PCED1B: variants seen among roughly 807,000 people sequenced by gnomAD.
PCED1B encodes PC-esterase domain containing 1B, also known as PC-esterase domain-containing protein 1B.
For synonymous variants in PCED1B, 251 were observed against 246.1 expected, an observed-to-expected ratio of 1.02 and a Z score of -0.19; for missense variants, 573 against 573.9, an observed-to-expected ratio of 1.00 and a Z score of 0.02.
In PCED1B at chr12:47,236,284, C is replaced by T. The variant is rs886325466; in HGVS notation, c.1221C>T (p.Gly407=). The change falls in exon 4 of 4, where the codon GGC becomes GGT. Residue 407 remains glycine (G), a synonymous_variant. Coordinates refer to ENST00000546455, the MANE Select transcript of PCED1B (RefSeq NM_138371.3). ...HRGFGRYRPR[G]PYTPWGQRPR... is the part of the protein sequence containing the mutation. The stretch of plus-strand genomic sequence containing the variant: ...GTTTTGGCAGGTATCGTCCCCGTGG[C>T]CCCTATACGCCCTGGGGACAGCGGC... 3 of 1,614,014 alleles carry T rather than the reference C, an allele frequency of 1.9e-6. No homozygotes were observed. Among genetic ancestry groups the T allele is most frequent in the African/African-American group, 2.7e-5 (2 of 74,912 alleles).
intron 2 of PCED1B, among the ~76,000 whole-genome samples, chr12:47,161,865 T>A (rs141870231): frequency 1.6e-4 from 24 of 152,238 alleles, no homozygotes; most frequent in African/African-American, 5.3e-4. Flanking sequence ...AACCAACCCA[T>A]ATGTCCAACA....
intron 1 of PCED1B, among the ~76,000 whole-genome samples, chr12:47,099,557 A>T (rs982141591): frequency 2.6e-5 from 4 of 152,208 alleles, no homozygotes; most frequent in African/African-American, 9.7e-5. Context: ...CCTCTCTCAG[A>T]ATGAATAGTT....
intron 2 of PCED1B, 33 bp from the exon 3 acceptor site, chr12:47,216,189 C>T (rs1943255850): frequency 6.6e-6 from 1 of 152,246 alleles, no homozygotes; most frequent in Admixed American, 6.5e-5. Context: ...TTTCTTCTCA[C>T]TTCCTCCTTT....
chr12:47,220,915 A>G (rs1189667945), intron 3 of PCED1B, among the ~76,000 whole-genome samples: 2 of 152,234 alleles, frequency 1.3e-5, no homozygotes, highest in Non-Finnish European at 2.9e-5. Context: ...ACATAAAGAC[A>G]TGAGAAAAGG....
intron 2 of PCED1B, among the ~76,000 whole-genome samples, chr12:47,185,845 A>G (rs951085461): frequency 6.6e-6 from 1 of 152,182 alleles, no homozygotes; most frequent in African/African-American, 2.4e-5. Flanking sequence ...TTAACAAGAG[A>G]AAAACAAACA....
chr12:47,088,810 TA>T (rs1272588074), intron 1 of PCED1B, among the ~76,000 whole-genome samples: 1 of 152,196 alleles, frequency 6.6e-6, no homozygotes, highest in African/African-American at 2.4e-5. Context: ...AAAACATGCT[TA>T]ACATGACGAT....
chr12:47,144,394 T>G (rs916052637), intron 2 of PCED1B, among the ~76,000 whole-genome samples: 1 of 152,248 alleles, frequency 6.6e-6, no homozygotes, highest in African/African-American at 2.4e-5. Flanking sequence ...TCCTATTGTC[T>G]TGATGATTCT....
chr12:47,125,814 A>G (rs1581558), intron 2 of PCED1B, among the ~76,000 whole-genome samples: 12,616 of 152,124 alleles, frequency 0.083, 859 homozygotes, highest in African/African-American at 0.19. Flanking sequence ...GTTCACTGCC[A>G]GTGCATAGAA....
intron 2 of PCED1B, among the ~76,000 whole-genome samples, chr12:47,148,976 A>T (rs2137441785): frequency 6.6e-6 from 1 of 152,112 alleles, no homozygotes; most frequent in South Asian, 2.1e-4. Context: ...TTCATTTTCC[A>T]CTGTCCTCAT....
Position 47,235,165 on chromosome 12 carries a change from G to C in PCED1B, c.102G>C (p.Val34=). 2 of 1,585,228 alleles carry C rather than the reference G, an allele frequency of 1.3e-6. No homozygotes were observed. The highest frequency in any genetic ancestry group is 8.6e-7 in the Non-Finnish European group (1 of 1,165,054). ...ATAGGGCAGTATACAAGGACCTGGT[G>C]CTTCTGCTGCAGAAGGACCGCCTGC... ...SVHRAVYKDL[V]LLLQKDRLLT... Residue 34 remains valine (V), a synonymous_variant, in exon 4 of 4, where the codon GTG becomes GTC. Coordinates refer to ENST00000546455, the MANE Select transcript of PCED1B (RefSeq NM_138371.3).
At chr12:47,148,642 G>C (rs74083886) in intron 2 of PCED1B, among the ~76,000 whole-genome samples, 3,675 of 152,272 alleles carry the variant, frequency 0.024, 147 homozygotes, top group African/African-American at 0.082. Flanking sequence ...CAAAGGCCCA[G>C]AGAGCCATGT....
intron 2 of PCED1B, among the ~76,000 whole-genome samples, chr12:47,146,814 C>A (rs1297118118): frequency 6.6e-6 from 1 of 152,066 alleles, no homozygotes; most frequent in Non-Finnish European, 1.5e-5. Flanking sequence ...GGTCAGAAAC[C>A]AAAGCCACAA....
In PCED1B at chr12:47,193,939, G is replaced by GCCCTCA. The variant is rs554738125; in HGVS notation, c.-525-22281_-525-22276dup. On this transcript the variant is annotated intron_variant, in intron 2 of 3. Transcript: ENST00000546455. ...GGGGCTGGGGCCCTGCCTTGCTCTT[G>GCCCTCA]CCCTCACTAAGCTGCATTCTGGTTT... Among the ~76,000 whole-genome samples the GCCCTCA allele has an allele frequency of 3.5e-3, 529 of 152,244 alleles. 3 individuals carry two copies. The highest frequency in any genetic ancestry group is 5.7e-3 in the Non-Finnish European group (385 of 68,018).
At chr12:47,203,555 A>T (rs1299522474) in intron 2 of PCED1B, among the ~76,000 whole-genome samples, 1 of 152,206 alleles carries the variant, frequency 6.6e-6, no homozygotes, top group Non-Finnish European at 1.5e-5. Flanking sequence ...ATAAGTGAGA[A>T]CATGCAATAT....
chr12:47,116,627 G>A (rs990764225), intron 2 of PCED1B, among the ~76,000 whole-genome samples: 1 of 152,158 alleles, frequency 6.6e-6, no homozygotes, highest in Non-Finnish European at 1.5e-5. Context: ...GATCATTTGA[G>A]CCAAATTATT....
chr12:47,097,401 C>T (rs1253063787), intron 1 of PCED1B, among the ~76,000 whole-genome samples: 2 of 152,164 alleles, frequency 1.3e-5, no homozygotes, highest in Non-Finnish European at 1.5e-5. Flanking sequence ...TAGGGAGTTT[C>T]CTCATGACTG....
At chr12:47,158,096 A>T (rs1447690249) in intron 2 of PCED1B, among the ~76,000 whole-genome samples, 6 of 152,208 alleles carry the variant, frequency 3.9e-5, no homozygotes, top group Non-Finnish European at 8.8e-5. Context: ...TTTACCTGTT[A>T]TGAATTATGC....
chr12:47,120,692 C>T (rs1939639241), intron 2 of PCED1B, among the ~76,000 whole-genome samples: 1 of 152,082 alleles, frequency 6.6e-6, no homozygotes, highest in African/African-American at 2.4e-5. Context: ...ATTCCAGCTA[C>T]TCGAGAGGCT....
intron 2 of PCED1B, among the ~76,000 whole-genome samples, chr12:47,183,732 G>T (rs1354188450): frequency 6.6e-6 from 1 of 152,162 alleles, no homozygotes; most frequent in African/African-American, 2.4e-5. Context: ...TTTTTGCTCA[G>T]CCATCTTAGA....
Sources: allele counts gnomAD v4.1 joint callset (sites outside exome capture counted in the v4.1 genomes callset), GRCh38; gene constraint gnomAD v4.1.1; transcripts MANE v1.5; gene names NCBI Gene and HGNC (gene_info 2026-07-23, HGNC 2026-07-21).